DAB2IP: variants seen among roughly 807,000 people sequenced by gnomAD.
DAB2IP encodes disabled homolog 2-interacting protein.
A neutral mutation model predicts 107.2 loss-of-function variants in DAB2IP; 28 were observed. The ratio of observed to expected loss-of-function variants is 0.26; its 90% CI spans 0.19 to 0.36. DAB2IP has a LOEUF of 0.36. DAB2IP is among the 10% of genes least tolerant of loss of function. The pLI is 1.00. For missense variants in DAB2IP, 1,400 were observed against 1,644.7 expected (o/e 0.85, Z 2.57); for synonymous variants, 755 against 706.4 (o/e 1.07, Z -1.09).
At chr9:121,733,387 CTT>C (rs1196869778) in intron 3 of DAB2IP, among the ~76,000 whole-genome samples, 1 of 152,248 alleles carries the variant, frequency 6.6e-6, no homozygotes, top group Non-Finnish European at 1.5e-5. Context: ...CCCAGACTCT[CTT>C]GTCATTCAAA....
At chr9:121,725,713 G>T (rs1433135050) in intron 3 of DAB2IP, among the ~76,000 whole-genome samples, 1 of 152,190 alleles carries the variant, frequency 6.6e-6, no homozygotes, top group Non-Finnish European at 1.5e-5. Flanking sequence ...GAAGGTGAAG[G>T]TTCCCTTGAG....
intron 3 of DAB2IP, among the ~76,000 whole-genome samples, chr9:121,706,721 T>C (rs1830076125): frequency 6.6e-6 from 1 of 152,210 alleles, no homozygotes; most frequent in South Asian, 2.1e-4. Context: ...CATGCCTGTG[T>C]TACCATCCCC....
intron 1 of DAB2IP, among the ~76,000 whole-genome samples, chr9:121,657,550 AC>A (rs1301893722): frequency 6.6e-6 from 1 of 152,132 alleles, no homozygotes; most frequent in Admixed American, 6.5e-5. Flanking sequence ...CAGGTGGGAA[AC>A]GGAGCTCTGG....
intron 1 of DAB2IP, among the ~76,000 whole-genome samples, chr9:121,579,435 A>C (rs1260849480): frequency 6.6e-6 from 1 of 151,800 alleles, no homozygotes; most frequent in East Asian, 1.9e-4. Flanking sequence ...CCAGGTGACC[A>C]GGCCAGGCCC....
chr9:121,760,503 C>T lies in DAB2IP; in HGVS notation c.1170+64C>T. 6.7e-7 allele frequency: 1 copy of T among 1,485,718 alleles called. No homozygotes were observed. Among genetic ancestry groups the T allele is most frequent in the Non-Finnish European group, 8.9e-7 (1 of 1,120,540 alleles). 92.0% of individuals were successfully genotyped at this position (1,485,718 alleles called of 1,614,324 possible). Reference sequence around the variant, plus strand: ...GGCAGCACTGGGTTACCTGCCCTTCCTCACATCCGTACATTTCAGGCCTAA... The same window carrying T: ...GGCAGCACTGGGTTACCTGCCCTTCTTCACATCCGTACATTTCAGGCCTAA... On this transcript the variant is annotated intron_variant, in intron 6 of 15. Coordinates refer to ENST00000408936, the Ensembl canonical transcript of DAB2IP. The surrounding 1 kb of genome is among the most constrained non-coding windows in gnomAD (Gnocchi z 5.9).
At chr9:121,682,995 G>A (rs1828675339) in intron 2 of DAB2IP, among the ~76,000 whole-genome samples, 1 of 152,148 alleles carries the variant, frequency 6.6e-6, no homozygotes, top group Non-Finnish European at 1.5e-5. Context: ...GACCAGAGAG[G>A]CTTCCTGTGC....
At chr9:121,783,282 C>G (rs2119049955) in exon 16 of DAB2IP, 3 of 1,369,248 alleles carry the variant, frequency 2.2e-6, no homozygotes, top group Non-Finnish European at 2.8e-6. Context: ...ACCTCCCACA[C>G]AGGCCCAGGC....
chr9:121,582,059 G>A (rs1366812370), intron 1 of DAB2IP, among the ~76,000 whole-genome samples: 7 of 152,202 alleles, frequency 4.6e-5, no homozygotes, highest in African/African-American at 1.4e-4. Context: ...GGGGGGAAGT[G>A]AGGACAGTCA....
chr9:121,602,638 T>C (rs944710212), intron 1 of DAB2IP, among the ~76,000 whole-genome samples: 4 of 152,172 alleles, frequency 2.6e-5, no homozygotes, highest in Non-Finnish European at 5.9e-5. Flanking sequence ...TGCAGTGGCG[T>C]GATCTCGGCT....
chr9:121,640,530 G>T (rs991781250), intron 1 of DAB2IP, among the ~76,000 whole-genome samples: 4 of 152,096 alleles, frequency 2.6e-5, no homozygotes, highest in Non-Finnish European at 5.9e-5. Context: ...CTGTCAGTGG[G>T]ATTGGGGTGA....
At chr9:121,768,391 G>T (rs1286862539) in intron 9 of DAB2IP, 41 bp from the exon 10 acceptor site, 4 of 1,609,148 alleles carry the variant, frequency 2.5e-6, no homozygotes, top group Non-Finnish European at 2.6e-6. Context: ...GGCAGGGCCT[G>T]CCTGGGCCCA....
chr9:121,617,856 G>T (rs1471344196), intron 1 of DAB2IP, among the ~76,000 whole-genome samples: 1 of 152,224 alleles, frequency 6.6e-6, no homozygotes, highest in Non-Finnish European at 1.5e-5. Flanking sequence ...GAAGAGCGGG[G>T]TGCGTACTCA....
chr9:121,706,864 AT>A (rs1044733333), intron 3 of DAB2IP, among the ~76,000 whole-genome samples: 1 of 152,212 alleles, frequency 6.6e-6, no homozygotes, highest in African/African-American at 2.4e-5. Context: ...TGCAGCAGAT[AT>A]CCCCTCTGGG....
intron 1 of DAB2IP, among the ~76,000 whole-genome samples, chr9:121,591,286 T>C (rs1377778575): frequency 6.6e-6 from 1 of 152,140 alleles, no homozygotes; most frequent in Admixed American, 6.5e-5. Flanking sequence ...CTGGCCAACA[T>C]AGTGAAACCC....
At position 121,678,781 on chromosome 9, in the gene DAB2IP, G is replaced by A. The variant is rs777548295; in HGVS notation, c.228G>A (p.Thr76=). 1.3e-6 allele frequency: 2 copies of A among 1,582,900 alleles called. No individual in the cohort carries two copies. The highest frequency in any genetic ancestry group is 1.4e-5 in the African/African-American group (1 of 73,988). The change falls in exon 2 of 16, where the codon ACG becomes ACA. Residue 76 remains threonine, a splice_region_variant and synonymous_variant. Coordinates refer to ENST00000408936, the Ensembl canonical transcript of DAB2IP. ...CGGCCGCCACGCCGTTCCGGGTCAC[G>A]GTAACTATCTCTGCGTCACCAACAC...
At chr9:121,584,159 C>T (rs1271650493) in intron 1 of DAB2IP, among the ~76,000 whole-genome samples, 1 of 152,048 alleles carries the variant, frequency 6.6e-6, no homozygotes, top group East Asian at 1.9e-4. Flanking sequence ...GCCTGGGCGA[C>T]GGAGTGAGAC....
intron 14 of DAB2IP, among the ~76,000 whole-genome samples, chr9:121,780,773 C>A (rs1319512812): frequency 6.6e-6 from 1 of 152,154 alleles, no homozygotes; most frequent in Non-Finnish European, 1.5e-5. Context: ...AGCAGCAGGA[C>A]GGAGCCGGCC....
intron 8 of DAB2IP, among the ~76,000 whole-genome samples, chr9:121,765,983 CATT>C (rs1189524848): frequency 2.0e-5 from 3 of 152,328 alleles, no homozygotes. Flanking sequence ...ATTCCTGTGA[CATT>C]ATTCAAGCAA....
chr9:121,590,557 A>G (rs1019158055), intron 1 of DAB2IP, among the ~76,000 whole-genome samples: 4 of 152,134 alleles, frequency 2.6e-5, no homozygotes, highest in Admixed American at 2.6e-4. Context: ...CAGTTTCCTC[A>G]TCTGTCAAAA....
Sources: allele counts gnomAD v4.1 joint callset (sites outside exome capture counted in the v4.1 genomes callset), GRCh38; gene constraint gnomAD v4.1.1; non-coding constraint Gnocchi (gnomAD v3.1); transcripts MANE v1.5; gene names NCBI Gene and HGNC (gene_info 2026-07-23, HGNC 2026-07-21).